SKIC8: variants seen among roughly 807,000 people sequenced by gnomAD.
The protein encoded by SKIC8 is SKI8 subunit of superkiller complex.
the SKIC8 span, among the ~76,000 whole-genome samples, chr15:78,298,750 C>G: frequency 2.0e-5 from 3 of 152,168 alleles, no homozygotes. Context: ...GGGTCCTTCA[C>G]TATCCAAGAT....
At chr15:78,290,118 G>A in the SKIC8 span, 2 of 1,600,676 alleles carry the variant, frequency 1.2e-6, no homozygotes, top group South Asian at 1.1e-5. Flanking sequence ...AAAAAAGAAG[G>A]ACAAAAATAC....
At chr15:78,299,170 C>T in the SKIC8 span, among the ~76,000 whole-genome samples, 3 of 152,202 alleles carry the variant, frequency 2.0e-5, no homozygotes, top group South Asian at 2.1e-4. Flanking sequence ...TGTCTGTACC[C>T]GTCCAGTGAT....
chr15:78,294,769 TTTG>T, the SKIC8 span: 300,887 of 504,332 alleles, frequency 0.6, 93,897 homozygotes, highest in Admixed American at 0.64. Flanking sequence ...TGTTCAGGTT[TTTG>T]TTGTTGTTGT....
At chr15:78,285,160 T>C in the SKIC8 span, 2 of 1,092,072 alleles carry the variant, frequency 1.8e-6, no homozygotes, top group Non-Finnish European at 2.8e-6. Context: ...AGGCATCTAC[T>C]GGTATCCACA....
the SKIC8 span, chr15:78,292,642 T>C: frequency 6.2e-7 from 1 of 1,614,234 alleles, no homozygotes; most frequent in Non-Finnish European, 8.5e-7. Flanking sequence ...GGACTTTATC[T>C]GTTTGCCATT....
chr15:78,284,926 T>A, the SKIC8 span: 2 of 271,784 alleles, frequency 7.4e-6, no homozygotes, highest in African/African-American at 4.3e-5. Context: ...TTGGTGAGCC[T>A]GCCATGGCGC....
the SKIC8 span, chr15:78,285,148 C>T: frequency 1.0e-6 from 1 of 957,662 alleles, no homozygotes; most frequent in Non-Finnish European, 1.6e-6. Context: ...CAGCTCAGGC[C>T]CAGGCATCTA....
At chr15:78,288,822 TAA>T in the SKIC8 span, 1 of 380,994 alleles carries the variant, frequency 2.6e-6, no homozygotes, top group Admixed American at 3.9e-5. Flanking sequence ...GTACGCATAA[TAA>T]AGTCTCCCTC....
chr15:78,295,399 A>ATT, the SKIC8 span: 1 of 536,016 alleles, frequency 1.9e-6, no homozygotes, highest in South Asian at 1.9e-5. Context: ...TCCTATTCTG[A>ATT]TCTTTTTTTT....
the SKIC8 span, chr15:78,283,393 T>C: frequency 6.6e-7 from 1 of 1,515,462 alleles, no homozygotes; most frequent in South Asian, 1.1e-5. Context: ...GATCAATCCG[T>C]ACATTCTCTT....
At chr15:78,286,136 G>A in the SKIC8 span, 4 of 1,605,158 alleles carry the variant, frequency 2.5e-6, no homozygotes, top group Non-Finnish European at 3.4e-6. Context: ...CATGTTGTCT[G>A]AAATGGGAAA....
At chr15:78,289,513 T>C in the SKIC8 span, 1 of 812,252 alleles carries the variant, frequency 1.2e-6, no homozygotes, top group African/African-American at 1.7e-5. Flanking sequence ...ATTGATATTT[T>C]GTAAATCTAA....
At chr15:78,293,816 T>C in the SKIC8 span, among the ~76,000 whole-genome samples, 3 of 152,250 alleles carry the variant, frequency 2.0e-5, no homozygotes, top group Non-Finnish European at 4.4e-5. Flanking sequence ...AAGTGGGTAC[T>C]ATTAATATCC....
the SKIC8 span, chr15:78,294,785 TTG>T: frequency 7.9e-6 from 5 of 629,744 alleles, no homozygotes; most frequent in South Asian, 4.9e-5. Context: ...GTTGTTGTTG[TTG>T]TTGTCTGTTT....
the SKIC8 span, among the ~76,000 whole-genome samples, chr15:78,287,719 G>A: frequency 1.3e-5 from 2 of 152,126 alleles, no homozygotes; most frequent in African/African-American, 4.8e-5. Context: ...AAATGATGGG[G>A]GAAAAGAAGA....
At chr15:78,297,843 T>C in the SKIC8 span, among the ~76,000 whole-genome samples, 1 of 152,232 alleles carries the variant, frequency 6.6e-6, no homozygotes, top group Non-Finnish European at 1.5e-5. Context: ...TGCCGAAGGT[T>C]TTCCAATAAC....
the SKIC8 span, chr15:78,283,403 T>G: frequency 6.4e-7 from 1 of 1,564,386 alleles, no homozygotes; most frequent in South Asian, 1.1e-5. Context: ...TACATTCTCT[T>G]TGCAGCATAA....
the SKIC8 span, chr15:78,294,669 G>A: frequency 1.3e-5 from 5 of 399,352 alleles, no homozygotes; most frequent in South Asian, 2.1e-4. Flanking sequence ...CAGCTGGGAA[G>A]CTCCATCATG....
the SKIC8 span, chr15:78,290,196 G>A: frequency 5.0e-5 from 65 of 1,301,564 alleles, no homozygotes; most frequent in Middle Eastern, 3.8e-4. Flanking sequence ...TTTTTAAATC[G>A]GAGTAGCAGT....
Sources: allele counts gnomAD v4.1 joint callset (sites outside exome capture counted in the v4.1 genomes callset), GRCh38; gene constraint gnomAD v4.1.1; transcripts MANE v1.5; gene names NCBI Gene and HGNC (gene_info 2026-07-23, HGNC 2026-07-21).